Variants in ACSM3 observed in about 807,000 individuals in gnomAD.
The protein encoded by ACSM3 is acyl-CoA synthetase medium chain family member 3, also known as acyl-coenzyme A synthetase ACSM3, mitochondrial.
Under a neutral mutation model 74.1 loss-of-function variants are expected in ACSM3, and 61 were observed. The ratio of observed to expected loss-of-function variants is 0.82; its 90% CI spans 0.67 to 1.02. The LOEUF (loss-of-function observed/expected upper bound fraction) is 1.02, where lower values mean the gene tolerates loss of function less well. Among genes scored for constraint, ACSM3 ranks in the 50% least tolerant of loss-of-function variants. ACSM3 has a pLI of 0.00. For missense variants in ACSM3, 660 were observed against 697.0 expected, an observed-to-expected ratio of 0.95 and a Z score of 0.60; for synonymous variants, 213 against 241.5, an observed-to-expected ratio of 0.88 and a Z score of 1.09.
At position 20,682,374 on chromosome 16, in the gene ACSM3, T is replaced by G. The variant is rs778693333; in HGVS notation, c.-190+7552T>G. 5 of 1,613,990 alleles carry G rather than the reference T, an allele frequency of 3.1e-6. No individual in the cohort carries two copies. In the South Asian group the frequency reaches 5.5e-5, roughly 18 times the overall value. On this transcript the variant is annotated intron_variant, in intron 1 of 3. Transcript: ENST00000561584. ...TCCACCTCTGAGGCAAGGGCATCTA[T>G]GGTCACAATGCCCTTGGCTTTAGAC...
chr16:20,750,030 T>C (rs2079977814), intron 2 of ACSM3: 1 of 152,254 alleles, frequency 6.6e-6, no homozygotes, highest in Non-Finnish European at 1.5e-5. Context: ...GTTTGAGATT[T>C]AAATTTCTGA....
In ACSM3 at chr16:20,729,209, A is replaced by T. The variant is rs1485217532; in HGVS notation, c.-189-20701A>T. On this transcript the variant is annotated intron_variant, in intron 1 of 3. Coordinates refer to the ACSM3 transcript ENST00000561584. ...TCTGTTCTGACCAAACTAATCCCCA[A>T]ATGTCATCTTTGATTCCTAGGACAG... The T allele has an allele frequency of 5.2e-6, 4 of 776,124 alleles. No individual in the cohort carries two copies. The Admixed American group carries it at 5.9e-5, about 11-fold the overall frequency. The allele number at this position is 776,124 out of a possible 1,614,324, so 48.1% of individuals were successfully genotyped here. A position where few individuals can be genotyped will look rare whatever the true frequency, so the allele number is the denominator to read the frequency against.
rs201966838 is a variant in ACSM3 at position 20,792,240 on chromosome 16, C to T, written c.1459C>T (p.Arg487Ter). The T allele has an allele frequency of 1.4e-5, 22 of 1,614,042 alleles. No individual in the cohort carries two copies. Among genetic ancestry groups the T allele is most frequent in the Non-Finnish European group, 1.8e-5 (21 of 1,179,966 alleles). ...ADDVILSSGY[R>*]IGPFEVENAL... ...TCCTGCCATATGTGTTTCTAGCTATCGAATTGGACCATTTGAGGTAGAAAA... is the reference window on the plus strand; with the variant it reads ...TCCTGCCATATGTGTTTCTAGCTATTGAATTGGACCATTTGAGGTAGAAAA... The change falls in exon 12 of 14, where the codon CGA (arginine) becomes TGA (stop). Residue 487 changes from arginine (R) to a stop codon, truncating the protein, a stop_gained. Transcript: ENST00000289416. LOFTEE classifies it high-confidence loss of function.
chr16:20,743,129 G>A (rs149437699), intron 1 of ACSM3, among the ~76,000 whole-genome samples: 11,606 of 151,788 alleles, frequency 0.076, 587 homozygotes, highest in Non-Finnish European at 0.12. Context: ...TAGTAGAGAC[G>A]GGGTTTTACC....
At chr16:20,739,728 G>T (rs2079901175) in intron 1 of ACSM3, among the ~76,000 whole-genome samples, 2 of 151,848 alleles carry the variant, frequency 1.3e-5, no homozygotes. Flanking sequence ...GGCTGAGGCA[G>T]GAGAATCGCT....
chr16:20,681,683 T>C (rs1328686303), intron 1 of ACSM3: 4 of 154,020 alleles, frequency 2.6e-5, no homozygotes, highest in African/African-American at 9.7e-5. Context: ...TGGTGCTTTC[T>C]ATTAACACCT....
chr16:20,783,177 A>T (rs35396346), intron 7 of ACSM3: 20,014 of 152,186 alleles, frequency 0.13, 1,377 homozygotes, highest in East Asian at 0.21. Flanking sequence ...TCTATTACCC[A>T]GGAAATTCCA....
intron 1 of ACSM3, among the ~76,000 whole-genome samples, chr16:20,764,935 G>A (rs2080109989): frequency 6.6e-6 from 1 of 152,196 alleles, no homozygotes; most frequent in Non-Finnish European, 1.5e-5. Flanking sequence ...CTGTATAGGA[G>A]GGGCTTCAGG....
chr16:20,725,798 C>G (rs1456845775), intron 1 of ACSM3, among the ~76,000 whole-genome samples: 2 of 152,112 alleles, frequency 1.3e-5, no homozygotes, highest in Non-Finnish European at 2.9e-5. Context: ...ATGGCAAAAC[C>G]CTGTCTCTAC....
chr16:20,718,368 C>T, intron 1 of ACSM3: 1 of 963,944 alleles, frequency 1.0e-6, no homozygotes, highest in Non-Finnish European at 1.4e-6. Context: ...CTGAAGAGCA[C>T]AGCTGTGTGG....
At chr16:20,694,781 G>T (rs1205055732) in intron 1 of ACSM3, among the ~76,000 whole-genome samples, 1 of 152,146 alleles carries the variant, frequency 6.6e-6, no homozygotes, top group East Asian at 1.9e-4. Flanking sequence ...TTTGGAGATT[G>T]GGTCTTTAAA....
At chr16:20,748,153 A>C (rs1201963854) in intron 1 of ACSM3, among the ~76,000 whole-genome samples, 1 of 151,978 alleles carries the variant, frequency 6.6e-6, no homozygotes, top group East Asian at 1.9e-4. Context: ...ATAAATAAAT[A>C]AATAAATAGA....
chr16:20,710,980 G>A (rs1208956610), intron 1 of ACSM3, among the ~76,000 whole-genome samples: 2 of 151,888 alleles, frequency 1.3e-5, no homozygotes, highest in African/African-American at 2.4e-5. Context: ...TAGCTACTTG[G>A]GAGGCTAAAG....
chr16:20,752,341 A>T (rs967191284), intron 2 of ACSM3, among the ~76,000 whole-genome samples: 1 of 148,990 alleles, frequency 6.7e-6, no homozygotes, highest in Admixed American at 6.7e-5. Flanking sequence ...TCTGTCTCTC[A>T]AAAAAAAAAA....
At chr16:20,791,970 A>C in intron 10 of ACSM3, 32 bp from the exon 11 acceptor site, 1 of 1,609,936 alleles carries the variant, frequency 6.2e-7, no homozygotes, top group Non-Finnish European at 8.5e-7. Flanking sequence ...AGTTGGATTC[A>C]CCATAACAAC....
intron 9 of ACSM3, among the ~76,000 whole-genome samples, chr16:20,788,606 A>C (rs535165011): frequency 6.6e-6 from 1 of 152,326 alleles, no homozygotes; most frequent in East Asian, 1.9e-4. Context: ...AACCAGGTGA[A>C]TATCAGATTC....
intron 3 of ACSM3, among the ~76,000 whole-genome samples, chr16:20,758,255 A>G (rs1417101586): frequency 6.6e-6 from 1 of 152,192 alleles, no homozygotes; most frequent in Admixed American, 6.5e-5. Context: ...CTGTGAATCC[A>G]TCTGGTCCTG....
chr16:20,733,050 A>T (rs1411262416), intron 1 of ACSM3: 1 of 153,290 alleles, frequency 6.5e-6, no homozygotes, highest in Non-Finnish European at 1.5e-5. Context: ...TTTGTTCCTG[A>T]TAATTCAGTG....
At chr16:20,683,898 G>T (rs1416054620) in intron 1 of ACSM3, among the ~76,000 whole-genome samples, 1 of 151,926 alleles carries the variant, frequency 6.6e-6, no homozygotes, top group African/African-American at 2.4e-5. Context: ...CCATCTTATA[G>T]GTCTACAGAT....
Sources: allele counts gnomAD v4.1 joint callset (sites outside exome capture counted in the v4.1 genomes callset), GRCh38; gene constraint gnomAD v4.1.1; transcripts MANE v1.5; gene names NCBI Gene and HGNC (gene_info 2026-07-23, HGNC 2026-07-21).